Variants in RUVBL2 observed in about 807,000 individuals in gnomAD.
The protein encoded by RUVBL2 is RuvB like AAA ATPase 2.
Under a neutral mutation model 57.9 loss-of-function variants are expected in RUVBL2, and 9 were observed. The ratio of observed to expected loss-of-function variants is 0.16; its 90% CI spans 0.09 to 0.27. RUVBL2 has a LOEUF of 0.27. RUVBL2 is among the 10% of genes least tolerant of loss of function. The probability of loss-of-function intolerance (pLI) is 1.00; values close to 1 mark genes in which losing one functional copy is unlikely to be tolerated. For missense variants in RUVBL2, 456 were observed against 669.6 expected (o/e 0.68, Z 3.52); for synonymous variants, 278 against 264.6 (o/e 1.05, Z -0.49).
upstream of RUVBL2, chr19:48,993,695 A>G: frequency 1.6e-6 from 1 of 623,708 alleles, no homozygotes; most frequent in Non-Finnish European, 2.9e-6. Flanking sequence ...AGGAGCCAGG[A>G]GACATTGGGA....
intron 13 of RUVBL2, 42 bp from the exon 14 acceptor site, chr19:49,015,530 C>T: frequency 6.8e-7 from 1 of 1,462,286 alleles, no homozygotes; most frequent in Non-Finnish European, 9.6e-7. Context: ...CCTTGAGCCT[C>T]ACGGAGAGGG....
intron 11 of RUVBL2, 27 bp from the exon 12 acceptor site, chr19:49,014,457 A>C (rs2122659416): frequency 6.2e-7 from 1 of 1,608,158 alleles, no homozygotes; most frequent in South Asian, 1.1e-5. Flanking sequence ...TGCCCCTGAC[A>C]GCCCCCTCTT....
At chr19:49,006,961 G>T (rs1028856578) in intron 4 of RUVBL2, 57 bp from the exon 5 acceptor site, 3 of 1,595,972 alleles carry the variant, frequency 1.9e-6, no homozygotes, top group Non-Finnish European at 2.6e-6. Context: ...CCACAGAGCA[G>T]GTGTCGGGGA....
chr19:49,001,814 G>T (rs1380809499), intron 2 of RUVBL2, among the ~76,000 whole-genome samples: 2 of 151,722 alleles, frequency 1.3e-5, no homozygotes, highest in African/African-American at 4.8e-5. Context: ...GTTTCACTGT[G>T]TTAGCCAGGA....
At chr19:49,014,795 G>A (rs1024687566) in intron 12 of RUVBL2, among the ~76,000 whole-genome samples, 192 bp downstream of exon 12, 1 of 152,224 alleles carries the variant, frequency 6.6e-6, no homozygotes, top group Non-Finnish European at 1.5e-5. Context: ...CGAGGTACCC[G>A]TGACTGGTGT....
chr19:49,010,251 T>A (rs2039385918), intron 8 of RUVBL2, 185 bp downstream of exon 8: 6 of 690,774 alleles, frequency 8.7e-6, no homozygotes, highest in Non-Finnish European at 1.5e-5. Flanking sequence ...TAGCTTCGCA[T>A]GGCCACATGT....
chr19:49,003,068 C>T (rs1202902217), intron 2 of RUVBL2, among the ~76,000 whole-genome samples: 1 of 152,184 alleles, frequency 6.6e-6, no homozygotes, highest in African/African-American at 2.4e-5. Context: ...AGAGCAGCTC[C>T]AGTTCATTGA....
At chr19:48,993,604 G>A, upstream of RUVBL2, 1 of 540,324 alleles carries the variant, frequency 1.9e-6, no homozygotes, top group Non-Finnish European at 3.3e-6. Context: ...GGAGCGTGGA[G>A]GACGTGTGGT....
At chr19:49,002,445 C>T (rs1403394227) in intron 2 of RUVBL2, among the ~76,000 whole-genome samples, 2 of 152,164 alleles carry the variant, frequency 1.3e-5, no homozygotes, top group Admixed American at 6.6e-5. Context: ...CCCATCTTCC[C>T]CTCTCGCTGG....
intron 2 of RUVBL2, among the ~76,000 whole-genome samples, chr19:49,000,425 C>T (rs545401323): frequency 2.6e-5 from 4 of 152,012 alleles, no homozygotes; most frequent in Admixed American, 1.3e-4. Context: ...CGTGGTGGCG[C>T]GTGCCTGTAA....
Position 48,997,522 on chromosome 19 carries a change from G to A in RUVBL2, c.13-1797G>A, listed in dbSNP as rs139432137. ...CGGACACCTGTAATCCCAGCTACTC[G>A]GGAGGCTGAGGCAGAAGAATCACTT... On this transcript the variant is annotated intron_variant, in intron 1 of 14. Coordinates refer to ENST00000595090, the MANE Select transcript of RUVBL2 (RefSeq NM_006666.3). Among the ~76,000 whole-genome samples, 778 of 151,766 alleles carry A rather than the reference G, an allele frequency of 5.1e-3. 5 individuals are homozygous for A. The highest frequency in any genetic ancestry group is 0.018 in the African/African-American group (753 of 41,380).
At chr19:49,015,754 G>A (rs531145535) in intron 14 of RUVBL2, 63 bp from the exon 15 acceptor site, 76 of 1,612,314 alleles carry the variant, frequency 4.7e-5, no homozygotes, top group South Asian at 2.9e-4. Context: ...GGAGCTCGGC[G>A]TAGAAGGCTC....
chr19:49,014,558 C>G lies in RUVBL2; in HGVS notation c.1076C>G (p.Thr359Ser). ...DLLDRLLIVS[T>S]TPYSEKDTKQ... Reference sequence around the variant, plus strand: ...CTGGACCGGCTGCTTATCGTCTCCACCACCCCCTACAGCGAGAAAGACACG... The same window carrying G: ...CTGGACCGGCTGCTTATCGTCTCCAGCACCCCCTACAGCGAGAAAGACACG... Residue 359 changes from threonine (T) to serine (S), a missense_variant, in exon 12 of 15, where the codon ACC becomes AGC. By Grantham distance (58) the Thr-to-Ser change is moderately conservative (BLOSUM62 1). Coordinates refer to ENST00000595090, the MANE Select transcript of RUVBL2 (RefSeq NM_006666.3). 2 of 1,614,132 alleles carry G rather than the reference C, an allele frequency of 1.2e-6. No homozygotes were observed. Among genetic ancestry groups the G allele is most frequent in the South Asian group, 2.2e-5 (2 of 91,080 alleles).
In RUVBL2 at chr19:49,003,267, C is replaced by G; in HGVS notation, c.68-12C>G. On this transcript the variant is annotated splice_polypyrimidine_tract_variant and intron_variant, in intron 2 of 14. Coordinates refer to ENST00000595090, the MANE Select transcript of RUVBL2 (RefSeq NM_006666.3). Reference sequence around the variant, plus strand: ...GCTAGTAACTGAGTCTTTGTTCTTTCCCTTCATGTAGGTGCCCACTCCCAC... The same window carrying G: ...GCTAGTAACTGAGTCTTTGTTCTTTGCCTTCATGTAGGTGCCCACTCCCAC... 9 of 1,564,600 alleles carry G rather than the reference C, an allele frequency of 5.8e-6. No individual in the cohort carries two copies. Among genetic ancestry groups the G allele is most frequent in the Non-Finnish European group, 7.8e-6 (9 of 1,148,256 alleles).
intron 1 of RUVBL2, among the ~76,000 whole-genome samples, chr19:48,998,925 G>C (rs555488152): frequency 2.0e-5 from 3 of 151,730 alleles, no homozygotes; most frequent in Non-Finnish European, 4.4e-5. Flanking sequence ...CTAGTCAGGA[G>C]GCTGAGGCAG....
At chr19:49,007,605 G>A (rs573752323) in intron 6 of RUVBL2, among the ~76,000 whole-genome samples, 1 of 152,296 alleles carries the variant, frequency 6.6e-6, no homozygotes, top group African/African-American at 2.4e-5. Flanking sequence ...ATCTGTTAGT[G>A]AGTTCCCAAC....
chr19:49,004,118 A>T, intron 3 of RUVBL2, 159 bp from the exon 4 acceptor site: 2 of 433,606 alleles, frequency 4.6e-6, no homozygotes, highest in Non-Finnish European at 6.6e-6. Context: ...CTTGTCTCAA[A>T]AAAAAAAAAA....
intron 12 of RUVBL2, 81 bp from the exon 13 acceptor site, chr19:49,014,940 C>A: frequency 6.6e-7 from 1 of 1,520,066 alleles, no homozygotes; most frequent in South Asian, 1.2e-5. Context: ...TGGGGAAGGG[C>A]CAGAGGGTTG....
chr19:49,010,956 G>A lies in RUVBL2; in HGVS notation c.788-43G>A, dbSNP rs376941116. 7.7e-5 allele frequency: 119 copies of A among 1,551,342 alleles called. No individual in the cohort carries two copies. The Admixed American group carries it at 9.5e-4, about 12-fold the overall frequency. On this transcript the variant is annotated intron_variant, in intron 9 of 14. Coordinates refer to ENST00000595090, the MANE Select transcript of RUVBL2 (RefSeq NM_006666.3). ...TAGCCACACTCTGGCCCTGGAACCC[G>A]CCTCCTCTCTGGCTTCCCTGATGCA...
Sources: allele counts gnomAD v4.1 joint callset (sites outside exome capture counted in the v4.1 genomes callset), GRCh38; gene constraint gnomAD v4.1.1; transcripts MANE v1.5; gene names NCBI Gene and HGNC (gene_info 2026-07-23, HGNC 2026-07-21).